Variants in BABAM2 observed in about 807,000 individuals in gnomAD.
BABAM2 encodes the protein BRISC and BRCA1 A complex member 2.
Under a neutral mutation model 54.7 loss-of-function variants are expected in BABAM2, and 31 were observed. The observed-to-expected ratio is 0.57, with a 90% CI of 0.43 to 0.77. BABAM2 has a LOEUF of 0.77. Among genes scored for constraint, BABAM2 ranks in the 30% least tolerant of loss-of-function variants. The pLI is 0.00. For missense variants in BABAM2, 364 were observed against 455.8 expected, an observed-to-expected ratio of 0.80 and a Z score of 1.83; for synonymous variants, 167 against 162.9, an observed-to-expected ratio of 1.03 and a Z score of -0.19.
intron 10 of BABAM2, among the ~76,000 whole-genome samples, chr2:28,273,883 G>A (rs1685648435): frequency 6.6e-6 from 1 of 152,204 alleles, no homozygotes; most frequent in South Asian, 2.1e-4. Context: ...TCTGTGAAAT[G>A]AGATTGACAC....
At chr2:28,016,492 C>T (rs1674826218) in intron 4 of BABAM2, 1 of 1,069,334 alleles carries the variant, frequency 9.4e-7, no homozygotes, top group South Asian at 1.3e-5. Flanking sequence ...TGGTGCTGGG[C>T]TGAGCACACA....
At chr2:27,903,359 A>G (rs1397984047) in intron 2 of BABAM2, among the ~76,000 whole-genome samples, 1 of 152,336 alleles carries the variant, frequency 6.6e-6, no homozygotes, top group East Asian at 1.9e-4. Flanking sequence ...TGTGTTCTAC[A>G]TACGTTTTTG....
chr2:28,182,519 C>T (rs62139076), intron 7 of BABAM2, among the ~76,000 whole-genome samples: 33,808 of 151,996 alleles, frequency 0.22, 4,699 homozygotes, highest in Non-Finnish European at 0.32. Flanking sequence ...GACATCCTCC[C>T]GTGTTCAGAG....
chr2:28,096,390 A>C (rs1267975148), intron 6 of BABAM2, among the ~76,000 whole-genome samples: 1 of 146,306 alleles, frequency 6.8e-6, no homozygotes, highest in East Asian at 2.0e-4. Context: ...AAAAAAAAAA[A>C]ACCATATTAA....
chr2:28,032,668 A>G (rs1272336094), intron 5 of BABAM2, among the ~76,000 whole-genome samples: 1 of 152,180 alleles, frequency 6.6e-6, no homozygotes, highest in East Asian at 1.9e-4. Context: ...TTATAAAACT[A>G]TAATGTTTAG....
At chr2:28,260,970 C>G (rs1684454849) in intron 10 of BABAM2, among the ~76,000 whole-genome samples, 1 of 122,266 alleles carries the variant, frequency 8.2e-6, no homozygotes. Flanking sequence ...GAGATGACGT[C>G]TCACTCTATT....
At chr2:27,917,850 T>C (rs562966178) in intron 2 of BABAM2, among the ~76,000 whole-genome samples, 8 of 152,088 alleles carry the variant, frequency 5.3e-5, no homozygotes, top group Non-Finnish European at 8.8e-5. Flanking sequence ...TTATATTACT[T>C]ATATTGTGGT....
chr2:28,321,577 GT>G (rs1690024147), intron 11 of BABAM2, among the ~76,000 whole-genome samples: 3 of 152,124 alleles, frequency 2.0e-5, no homozygotes, highest in Admixed American at 2.0e-4. Flanking sequence ...TACTGCGCAG[GT>G]TTTAGGAAAA....
At chr2:28,068,196 A>G (rs529705761) in intron 6 of BABAM2, among the ~76,000 whole-genome samples, 34 of 152,362 alleles carry the variant, frequency 2.2e-4, no homozygotes, top group African/African-American at 7.2e-4. Context: ...GTAATAAAGA[A>G]TAGGAACAGA....
chr2:27,907,845 G>T (rs1037318752), intron 2 of BABAM2, among the ~76,000 whole-genome samples: 3 of 152,156 alleles, frequency 2.0e-5, no homozygotes, highest in Non-Finnish European at 4.4e-5. Flanking sequence ...CCGTGTTGTA[G>T]TGTCAGAATT....
intron 11 of BABAM2, chr2:28,307,823 C>T (rs1270041143): frequency 6.6e-6 from 1 of 151,936 alleles, no homozygotes; most frequent in Non-Finnish European, 1.5e-5. Flanking sequence ...AAAAAAAAAC[C>T]TATTTAAAAT....
At chr2:28,170,839 T>C (rs1032033965) in intron 7 of BABAM2, among the ~76,000 whole-genome samples, 5 of 152,322 alleles carry the variant, frequency 3.3e-5, no homozygotes, top group African/African-American at 1.2e-4. Context: ...TTACATCTTA[T>C]AACGTTTTTT....
At chr2:27,961,992 A>C (rs1670507876) in intron 3 of BABAM2, among the ~76,000 whole-genome samples, 1 of 151,982 alleles carries the variant, frequency 6.6e-6, no homozygotes, top group Admixed American at 6.6e-5. Flanking sequence ...AGCCTCCCAA[A>C]ATAGTGAGAT....
intron 10 of BABAM2, among the ~76,000 whole-genome samples, chr2:28,268,417 G>T (rs1342594307): frequency 6.6e-6 from 1 of 152,174 alleles, no homozygotes; most frequent in East Asian, 1.9e-4. Context: ...TTCAGCTTGT[G>T]GCTCATGTCT....
At chr2:27,970,799 A>G (rs1023914765) in intron 3 of BABAM2, among the ~76,000 whole-genome samples, 1 of 152,020 alleles carries the variant, frequency 6.6e-6, no homozygotes, top group Non-Finnish European at 1.5e-5. Flanking sequence ...TTTTTTCTTT[A>G]ATCTAGAACA....
chr2:27,925,494 A>G (rs976105427), intron 2 of BABAM2, among the ~76,000 whole-genome samples: 5 of 152,164 alleles, frequency 3.3e-5, no homozygotes, highest in Non-Finnish European at 4.4e-5. Flanking sequence ...TTTCAGTCCC[A>G]GTGAAGACTG....
chr2:28,306,704 A>AT (rs35934509), intron 11 of BABAM2, among the ~76,000 whole-genome samples: 39 of 147,288 alleles, frequency 2.6e-4, no homozygotes, highest in Middle Eastern at 3.5e-3. Context: ...TTTTATTTTA[A>AT]TTTTTTTTTT....
chr2:28,188,397 A>G (rs1032750233), intron 7 of BABAM2, among the ~76,000 whole-genome samples: 21 of 152,230 alleles, frequency 1.4e-4, no homozygotes, highest in Non-Finnish European at 2.6e-4. Context: ...TAAGGACTTG[A>G]AAACAAGTTG....
At chr2:27,918,680 G>C (rs1667148503) in intron 2 of BABAM2, among the ~76,000 whole-genome samples, 1 of 152,044 alleles carries the variant, frequency 6.6e-6, no homozygotes. Context: ...TCAATTTAGG[G>C]AGAACTTACA....
Sources: gnomAD v4.1 joint callset for allele counts (sites outside exome capture counted in the v4.1 genomes callset) on GRCh38, gnomAD v4.1.1 for gene constraint, MANE v1.5 for transcripts, NCBI Gene and HGNC (gene_info 2026-07-23, HGNC 2026-07-21) for gene names.